The following HERC1 variants were observed in gnomAD, a reference collection of about 807,000 sequenced individuals.
HERC1 encodes probable E3 ubiquitin-protein ligase HERC1.
In HERC1, 160 loss-of-function variants were observed where a neutral mutation model predicts 554.3. The ratio of observed to expected loss-of-function variants is 0.29; its 90% CI spans 0.25 to 0.33. The LOEUF is 0.33. HERC1 is among the 10% of genes least tolerant of loss of function. The pLI is 1.00. For synonymous variants in HERC1, 2,175 were observed against 2,131.7 expected, an observed-to-expected ratio of 1.02 and a Z score of -0.56; for missense variants, 4,919 against 5,918.5, an observed-to-expected ratio of 0.83 and a Z score of 5.54.
At chr15:63,646,690 C>T (rs1300223946) in intron 55 of HERC1, among the ~76,000 whole-genome samples, 1 of 151,422 alleles carries the variant, frequency 6.6e-6, no homozygotes, top group Non-Finnish European at 1.5e-5. Flanking sequence ...CGCCTGTAAT[C>T]CCAGCTACTC....
chr15:63,710,070 C>G (rs1280219192), intron 24 of HERC1, among the ~76,000 whole-genome samples: 1 of 152,212 alleles, frequency 6.6e-6, no homozygotes, highest in Non-Finnish European at 1.5e-5. Context: ...GGCAAAAATG[C>G]AGACCACTGC....
At chr15:63,829,754 G>T (rs1189468127) in intron 1 of HERC1, among the ~76,000 whole-genome samples, 1 of 151,318 alleles carries the variant, frequency 6.6e-6, no homozygotes, top group East Asian at 1.9e-4. Flanking sequence ...ACTGGTGCAA[G>T]GAAAAATAAG....
intron 1 of HERC1, among the ~76,000 whole-genome samples, chr15:63,819,894 T>G (rs928142662): frequency 6.6e-6 from 1 of 152,232 alleles, no homozygotes; most frequent in Admixed American, 6.5e-5. Context: ...AACCTCTCTG[T>G]GCTTCAAATT....
intron 1 of HERC1, among the ~76,000 whole-genome samples, chr15:63,778,113 C>A (rs2076166699): frequency 6.6e-6 from 1 of 152,074 alleles, no homozygotes; most frequent in Non-Finnish European, 1.5e-5. Flanking sequence ...CTTGAAGATA[C>A]AGAATGCCAA....
At chr15:63,623,590 C>T (rs749948096) in intron 73 of HERC1, 135 bp downstream of exon 73, 16 of 823,654 alleles carry the variant, frequency 1.9e-5, no homozygotes, top group Admixed American at 4.6e-5. Flanking sequence ...TCACTAACAG[C>T]ATCACTTTAT....
intron 2 of HERC1, among the ~76,000 whole-genome samples, chr15:63,764,714 G>C (rs142537034): frequency 6.2e-4 from 94 of 152,234 alleles, no homozygotes; most frequent in African/African-American, 2.1e-3. Flanking sequence ...TATGTCAGGT[G>C]ACCATCAAGT....
intron 8 of HERC1, chr15:63,752,708 A>G (rs1355880664): frequency 6.0e-6 from 2 of 330,624 alleles, no homozygotes; most frequent in Non-Finnish European, 5.5e-6. Context: ...AAATGCTAAA[A>G]CATTTTAGAA....
chr15:63,630,024 T>C (rs2068477031), intron 69 of HERC1, among the ~76,000 whole-genome samples: 1 of 152,214 alleles, frequency 6.6e-6, no homozygotes, highest in East Asian at 1.9e-4. Context: ...AAAGATACTT[T>C]GTATGCCATC....
rs750488687 is a variant in HERC1, at chr15:63,661,821, C to T, written c.9102G>A (p.Leu3034=). 9 of 1,613,886 alleles carry T rather than the reference C, an allele frequency of 5.6e-6. No homozygotes were observed. The East Asian group carries it at 1.6e-4, about 28-fold the overall frequency. The change falls in exon 45 of 78, where the codon CTG becomes CTA. Residue 3034 remains leucine (L), a synonymous_variant. Coordinates refer to ENST00000443617, the MANE Select transcript of HERC1 (RefSeq NM_003922.4). The part of the protein sequence containing the change: ...GECGSGNPYY[L]LCGTCREKYL... ...ACTTCTCCCTGCAGGTGCCACATAA[C>T]AGGTAGTACGGATTTCCACTCCCAC...
chr15:63,745,883 G>A (rs995154848), intron 12 of HERC1, among the ~76,000 whole-genome samples: 1 of 152,058 alleles, frequency 6.6e-6, no homozygotes, highest in Non-Finnish European at 1.5e-5. Flanking sequence ...GTAATATCTT[G>A]TCTTTCATTC....
At chr15:63,736,850 G>A (rs2074526606) in intron 12 of HERC1, among the ~76,000 whole-genome samples, 1 of 151,940 alleles carries the variant, frequency 6.6e-6, no homozygotes, top group African/African-American at 2.4e-5. Flanking sequence ...CAGGTGATCT[G>A]CCCACCTCAG....
intron 55 of HERC1, among the ~76,000 whole-genome samples, chr15:63,647,428 G>A (rs2069415452): frequency 6.6e-6 from 1 of 151,976 alleles, no homozygotes; most frequent in Non-Finnish European, 1.5e-5. Flanking sequence ...AAACTCTATA[G>A]AAAACAGTAT....
Position 63,659,826 on chromosome 15 carries a change from G to C in HERC1, c.9334C>G (p.Pro3112Ala), listed in dbSNP as rs1314124360. Residue 3112 changes from proline (P) to alanine (A), a missense_variant, in exon 47 of 78, where the codon CCA (proline) becomes GCA (alanine). Pro to Ala is a conservative substitution (Grantham distance 27, BLOSUM62 -1). This residue lies in a region of HERC1 where 1,963 missense variants were observed against 2,228.6 expected (regional missense o/e 0.88). Transcript: ENST00000443617. Reference protein sequence around the residue: ...GLNDRRIVPEPVQFPDSDPLG... With the variant: ...GLNDRRIVPEAVQFPDSDPLG... ...GGATCGCTGTCAGGGAACTGAACTG[G>C]TTCTGGTACAATGCGCCGGTCATTT... 6.2e-7 allele frequency: 1 copy of C among 1,613,724 alleles called. No homozygotes were observed. Among genetic ancestry groups the C allele is most frequent in the East Asian group, 2.2e-5 (1 of 44,904 alleles).
chr15:63,660,912 G>A, intron 46 of HERC1, 61 bp downstream of exon 46: 3 of 998,892 alleles, frequency 3.0e-6, no homozygotes, highest in Non-Finnish European at 4.8e-6. Context: ...AGTAACAGAT[G>A]TTAAGCAGAG....
chr15:63,806,352 G>C (rs1419056866), intron 1 of HERC1, among the ~76,000 whole-genome samples: 6 of 151,968 alleles, frequency 3.9e-5, no homozygotes, highest in Non-Finnish European at 8.8e-5. Context: ...CTATCTCAAA[G>C]GTGACTTCTT....
chr15:63,739,632 A>C (rs2074706870), intron 12 of HERC1, among the ~76,000 whole-genome samples: 1 of 151,846 alleles, frequency 6.6e-6, no homozygotes. Flanking sequence ...TGAGGTAAGG[A>C]GTTCAAGACC....
intron 25 of HERC1, among the ~76,000 whole-genome samples, chr15:63,699,848 T>C (rs571233497): frequency 6.6e-6 from 1 of 152,302 alleles, no homozygotes; most frequent in East Asian, 1.9e-4. Context: ...TAAATAAATA[T>C]ATAAATGTCC....
chr15:63,609,828 T>C (rs563532048), intron 77 of HERC1, among the ~76,000 whole-genome samples: 2 of 152,128 alleles, frequency 1.3e-5, no homozygotes, highest in Non-Finnish European at 2.9e-5. Flanking sequence ...CTCCAGTCCA[T>C]CCATTCAACT....
intron 12 of HERC1, among the ~76,000 whole-genome samples, chr15:63,738,686 C>T (rs1487621286): frequency 6.6e-6 from 1 of 152,078 alleles, no homozygotes; most frequent in Non-Finnish European, 1.5e-5. Flanking sequence ...AAAAGAGGAA[C>T]ACAAATAGCT....
Sources: allele counts gnomAD v4.1 joint callset (sites outside exome capture counted in the v4.1 genomes callset), GRCh38; gene constraint gnomAD v4.1.1; regional missense constraint gnomAD v4.1.1; transcripts MANE v1.5; gene names NCBI Gene and HGNC (gene_info 2026-07-23, HGNC 2026-07-21).